Variants in IL1RAPL1 observed in about 807,000 individuals in gnomAD.
The protein encoded by IL1RAPL1 is interleukin-1 receptor accessory protein-like 1.
A neutral mutation model predicts 48.4 loss-of-function variants in IL1RAPL1; 3 were observed. That is an observed-to-expected ratio of 0.06 (90% CI 0.03 to 0.16). The LOEUF is 0.16. IL1RAPL1 is among the 10% of genes least tolerant of loss of function. IL1RAPL1 has a pLI of 1.00. For synonymous variants in IL1RAPL1, 185 were observed against 187.7 expected (o/e 0.99, Z 0.12); for missense variants, 349 against 530.6 (o/e 0.66, Z 3.36).
In IL1RAPL1 at chrX:29,705,050, C is replaced by T. The variant is rs1321662145; in HGVS notation, c.778+36546C>T. Among the ~76,000 whole-genome samples the T allele has an allele frequency of 3.6e-5, 4 of 111,403 alleles. No homozygotes were observed. The East Asian group carries it at 1.1e-3, about 31-fold the overall frequency. On this transcript the variant is annotated intron_variant, in intron 6 of 10. Coordinates refer to ENST00000378993, the MANE Select transcript of IL1RAPL1 (RefSeq NM_014271.4). ...TGAGCATTGTACCCTATATAGCCTC[C>T]ACATATTAAATTCATCGTTCAATAT...
intron 6 of IL1RAPL1, among the ~76,000 whole-genome samples, chrX:29,911,022 T>C (rs892378308): frequency 1.8e-5 from 2 of 111,628 alleles, no homozygotes; most frequent in African/African-American, 3.3e-5. Flanking sequence ...CTCCTAGGTA[T>C]GTACCCAAGA....
At chrX:29,245,187 T>G (rs1354565084) in intron 2 of IL1RAPL1, among the ~76,000 whole-genome samples, 1 of 111,843 alleles carries the variant, frequency 8.9e-6, no homozygotes, top group Admixed American at 9.5e-5. Context: ...GATGGGCATT[T>G]GGGCTGGTTC....
intron 2 of IL1RAPL1, among the ~76,000 whole-genome samples, chrX:29,081,955 C>T (rs752457891): frequency 5.4e-5 from 6 of 110,748 alleles, no homozygotes; most frequent in African/African-American, 2.0e-4. Context: ...AAAGTGCAGA[C>T]TGCCTGTTCA....
chrX:29,103,759 T>G (rs1171214581), intron 2 of IL1RAPL1, among the ~76,000 whole-genome samples: 1 of 111,379 alleles, frequency 9.0e-6, no homozygotes, highest in Admixed American at 9.6e-5. Flanking sequence ...TACAAGGAGC[T>G]CCAACAATTC....
At chrX:28,626,978 T>C (rs1221710056) in intron 1 of IL1RAPL1, among the ~76,000 whole-genome samples, 5 of 112,142 alleles carry the variant, frequency 4.5e-5, no homozygotes, top group Non-Finnish European at 9.4e-5. Context: ...ATTTTGTAAC[T>C]GATGCTATAC....
intron 6 of IL1RAPL1, among the ~76,000 whole-genome samples, chrX:29,716,530 G>A (rs1412263120): frequency 8.9e-6 from 1 of 112,029 alleles, no homozygotes; most frequent in East Asian, 2.8e-4. Context: ...GTAGACAGAT[G>A]TGAGAGTGTT....
At chrX:29,896,948 T>G (rs1932396528) in intron 6 of IL1RAPL1, among the ~76,000 whole-genome samples, 1 of 112,748 alleles carries the variant, frequency 8.9e-6, no homozygotes, top group Non-Finnish European at 1.9e-5. Flanking sequence ...TAGCCTACCC[T>G]AACTGGACAC....
intron 2 of IL1RAPL1, among the ~76,000 whole-genome samples, chrX:29,036,761 T>C (rs962942641): frequency 6.3e-5 from 7 of 111,400 alleles, no homozygotes; most frequent in Non-Finnish European, 1.3e-4. Context: ...TTTTGAGAAA[T>C]AATAGAATCA....
intron 3 of IL1RAPL1, among the ~76,000 whole-genome samples, chrX:29,319,469 G>T (rs1399466458): frequency 2.1e-5 from 2 of 96,830 alleles, no homozygotes; most frequent in African/African-American, 7.8e-5. Context: ...CTCCCAAAGT[G>T]CTGGGATTAT....
chrX:28,692,214 T>C (rs1325962779), intron 1 of IL1RAPL1, among the ~76,000 whole-genome samples: 2 of 111,530 alleles, frequency 1.8e-5, no homozygotes, highest in Non-Finnish European at 3.8e-5. Flanking sequence ...TCTGCCCCCA[T>C]GACGGAAACA....
chrX:29,743,523 G>T (rs932979112), intron 6 of IL1RAPL1, among the ~76,000 whole-genome samples: 1 of 111,375 alleles, frequency 9.0e-6, no homozygotes, highest in Non-Finnish European at 1.9e-5. Flanking sequence ...GCCTCGCTCT[G>T]TTGCCAGGCT....
Position 29,949,939 on chromosome X carries a change from CG to C in IL1RAPL1, c.1202-4581del, listed in dbSNP as rs1281901945. Among the ~76,000 whole-genome samples, 15 of 111,948 alleles carry C rather than the reference CG, an allele frequency of 1.3e-4. No homozygotes were observed. In the Admixed American group the frequency reaches 1.4e-3, roughly 11 times the overall value. The stretch of plus-strand genomic sequence containing the variant: ...AGTATGGCATCTGGCACTCTGCTTC[CG>C]GTCTGACAACTTTTCAAATCATGGG... On this transcript the variant is annotated intron_variant, in intron 9 of 10. Transcript: ENST00000378993.
chrX:28,895,890 T>C (rs1922904480), intron 2 of IL1RAPL1, among the ~76,000 whole-genome samples: 1 of 111,929 alleles, frequency 8.9e-6, no homozygotes, highest in Non-Finnish European at 1.9e-5. Context: ...AAGGAGTCAG[T>C]CAGAGAGCCT....
At chrX:29,765,119 C>G (rs1024269388) in intron 6 of IL1RAPL1, among the ~76,000 whole-genome samples, 1 of 111,998 alleles carries the variant, frequency 8.9e-6, no homozygotes, top group African/African-American at 3.2e-5. Flanking sequence ...TGTTCTCAAG[C>G]GAAATAAAAC....
At chrX:29,859,371 C>T (rs745674961) in intron 6 of IL1RAPL1, among the ~76,000 whole-genome samples, 1 of 111,675 alleles carries the variant, frequency 9.0e-6, no homozygotes, top group East Asian at 2.8e-4. Flanking sequence ...AATCTACCAC[C>T]AAGTATTTTC....
At chrX:29,813,054 C>A (rs745531223) in intron 6 of IL1RAPL1, among the ~76,000 whole-genome samples, 17 of 111,558 alleles carry the variant, frequency 1.5e-4, no homozygotes, top group Non-Finnish European at 2.8e-4. Flanking sequence ...AACTTATCTT[C>A]TATTAAATGT....
chrX:29,633,191 C>G (rs1340963246), intron 5 of IL1RAPL1, among the ~76,000 whole-genome samples: 1 of 111,075 alleles, frequency 9.0e-6, no homozygotes, highest in Non-Finnish European at 1.9e-5. Flanking sequence ...GTTCCGATTT[C>G]ACACAACAAT....
intron 5 of IL1RAPL1, among the ~76,000 whole-genome samples, chrX:29,567,217 C>CAA (rs200981365): frequency 4.1e-4 from 40 of 98,509 alleles, no homozygotes; most frequent in African/African-American, 1.4e-3. Context: ...AGACTACCTA[C>CAA]AAAAAAAAAA....
At chrX:29,389,578 CAG>C (rs1428079688) in intron 3 of IL1RAPL1, among the ~76,000 whole-genome samples, 1 of 110,919 alleles carries the variant, frequency 9.0e-6, no homozygotes, top group Non-Finnish European at 1.9e-5. Context: ...ATAACTCAGA[CAG>C]AGAAATACTG....
Sources: gnomAD v4.1 joint callset for allele counts (sites outside exome capture counted in the v4.1 genomes callset) on GRCh38, gnomAD v4.1.1 for gene constraint, MANE v1.5 for transcripts, NCBI Gene and HGNC (gene_info 2026-07-23, HGNC 2026-07-21) for gene names.